The following ASIC2 variants were observed in gnomAD, a reference collection of about 807,000 sequenced individuals.
ASIC2 encodes the protein acid-sensing ion channel 2.
Under a neutral mutation model 57.3 loss-of-function variants are expected in ASIC2, and 25 were observed. The observed-to-expected ratio is 0.44, with a 90% CI of 0.32 to 0.61. The LOEUF is 0.61. Among genes scored for constraint, ASIC2 ranks in the 20% least tolerant of loss-of-function variants. ASIC2 has a pLI of 0.06. For missense variants in ASIC2, 641 were observed against 738.1 expected, an observed-to-expected ratio of 0.87 and a Z score of 1.52; for synonymous variants, 319 against 307.5, an observed-to-expected ratio of 1.04 and a Z score of -0.39.
chr17:33,962,696 C>T (rs1018957119), intron 1 of ASIC2, among the ~76,000 whole-genome samples: 8 of 152,136 alleles, frequency 5.3e-5, no homozygotes, highest in South Asian at 2.1e-4. Context: ...AGAGATTCAC[C>T]GGGCCACTGC....
intron 1 of ASIC2, among the ~76,000 whole-genome samples, chr17:33,928,367 T>C (rs1161803968): frequency 2.6e-5 from 4 of 152,042 alleles, no homozygotes; most frequent in African/African-American, 9.7e-5. Flanking sequence ...GGGTGGGTGG[T>C]AAAAGCTGAC....
At chr17:34,000,347 G>C (rs1312888635) in intron 1 of ASIC2, among the ~76,000 whole-genome samples, 1 of 150,400 alleles carries the variant, frequency 6.6e-6, no homozygotes, top group Non-Finnish European at 1.5e-5. Flanking sequence ...CACCTCCTGG[G>C]TTCAAGCAAT....
intron 1 of ASIC2, among the ~76,000 whole-genome samples, chr17:34,152,706 C>A (rs116220536): frequency 2.0e-5 from 3 of 152,130 alleles, no homozygotes; most frequent in African/African-American, 7.2e-5. Flanking sequence ...ATGACCAAGT[C>A]GAGGCCTAGA....
chr17:33,525,330 T>C (rs1914856841), intron 1 of ASIC2, among the ~76,000 whole-genome samples: 1 of 152,168 alleles, frequency 6.6e-6, no homozygotes, highest in Non-Finnish European at 1.5e-5. Flanking sequence ...GTAGCTCACA[T>C]ATCTTGTCGC....
intron 1 of ASIC2, among the ~76,000 whole-genome samples, chr17:33,355,669 T>C (rs1908348653): frequency 6.6e-6 from 1 of 152,222 alleles, no homozygotes; most frequent in African/African-American, 2.4e-5. Flanking sequence ...ATAGTAGAAG[T>C]TTCATAAATG....
intron 1 of ASIC2, among the ~76,000 whole-genome samples, chr17:33,894,994 C>A (rs554186654): frequency 1.3e-5 from 2 of 152,220 alleles, no homozygotes; most frequent in South Asian, 4.2e-4. Context: ...AATTAGAGCC[C>A]ATATTGGGAA....
intron 1 of ASIC2, among the ~76,000 whole-genome samples, chr17:34,074,469 T>C (rs919234508): frequency 1.3e-5 from 2 of 152,210 alleles, no homozygotes; most frequent in Admixed American, 6.5e-5. Context: ...TCTCTATGCA[T>C]AGGGCTAGGA....
At chr17:33,476,107 G>C (rs1434104711) in intron 1 of ASIC2, among the ~76,000 whole-genome samples, 1 of 152,162 alleles carries the variant, frequency 6.6e-6, no homozygotes, top group Non-Finnish European at 1.5e-5. Flanking sequence ...TAGTCCACAC[G>C]CTTAAGTATG....
chr17:33,758,400 A>G (rs948897194), intron 1 of ASIC2, among the ~76,000 whole-genome samples: 3 of 152,220 alleles, frequency 2.0e-5, no homozygotes, highest in African/African-American at 7.2e-5. Context: ...ACATGTGTAT[A>G]AAATGTATAG....
intron 1 of ASIC2, among the ~76,000 whole-genome samples, chr17:33,268,113 C>G (rs1379116382): frequency 6.6e-6 from 1 of 152,164 alleles, no homozygotes. Context: ...ATTCCAGGGA[C>G]AGCGCCCTGA....
intron 1 of ASIC2, chr17:34,051,717 G>C (rs1908561394): frequency 6.6e-6 from 1 of 151,986 alleles, no homozygotes; most frequent in African/African-American, 2.4e-5. Context: ...GGAGGTTAAG[G>C]CTTCTGTCTT....
Position 33,604,064 on chromosome 17 carries a change from T to C in ASIC2, c.556-491997A>G, listed in dbSNP as rs1450848413. Among the ~76,000 whole-genome samples, 3 of 152,118 alleles carry C rather than the reference T, an allele frequency of 2.0e-5. No individual in the cohort carries two copies. In the East Asian group the frequency reaches 5.8e-4, roughly 29 times the overall value. ...CTGCAAGGCGGCCTAGAAAATGTAG[T>C]CTAGTTATCTGGTCAGAGTCTCTGC... On this transcript the variant is annotated intron_variant, in intron 1 of 9. Coordinates refer to the ASIC2 transcript ENST00000359872.
In ASIC2 at chr17:34,044,004, C is replaced by A. The variant is rs149465245; in HGVS notation, c.555+111974G>T. On this transcript the variant is annotated intron_variant, in intron 1 of 9. Coordinates refer to the ASIC2 transcript ENST00000359872. The stretch of plus-strand genomic sequence containing the variant: ...CTTTACTATTCCAAAGGCATGCATA[C>A]CCTCCCTGTTGAGGACACACAAAGA... 2.2e-4 allele frequency among the ~76,000 whole-genome samples: 34 copies of A among 152,280 alleles called. No homozygotes were observed. The East Asian group carries it at 6.4e-3, about 28-fold the overall frequency.
chr17:33,990,690 G>A (rs1278635990), intron 1 of ASIC2, among the ~76,000 whole-genome samples: 7 of 152,132 alleles, frequency 4.6e-5, no homozygotes, highest in Non-Finnish European at 5.9e-5. Context: ...CAGTTTCTTG[G>A]AGGGATGGAC....
chr17:33,527,722 A>T (rs930988168), intron 1 of ASIC2, among the ~76,000 whole-genome samples: 3 of 152,158 alleles, frequency 2.0e-5, no homozygotes, highest in Non-Finnish European at 4.4e-5. Flanking sequence ...TTTTAGGGAC[A>T]TGTGCCTAAA....
intron 1 of ASIC2, among the ~76,000 whole-genome samples, chr17:33,967,812 AGACAAGATGT>A (rs925645186): frequency 3.3e-5 from 5 of 152,206 alleles, no homozygotes; most frequent in Non-Finnish European, 4.4e-5. Flanking sequence ...CCCTGTGAGT[AGACAAGATGT>A]GACAAGATGT....
chr17:33,961,188 G>C (rs928690679), intron 1 of ASIC2, among the ~76,000 whole-genome samples: 1 of 152,170 alleles, frequency 6.6e-6, no homozygotes, highest in Non-Finnish European at 1.5e-5. Flanking sequence ...ACCAAAGCTA[G>C]AAAAAGAATC....
intron 1 of ASIC2, among the ~76,000 whole-genome samples, chr17:33,653,473 C>A (rs1365198944): frequency 2.0e-5 from 3 of 152,226 alleles, no homozygotes. Context: ...GGAACTCTTT[C>A]TCCATGCAAT....
At chr17:33,049,435 A>G (rs1270244471) in intron 3 of ASIC2, among the ~76,000 whole-genome samples, 3 of 152,178 alleles carry the variant, frequency 2.0e-5, no homozygotes, top group Non-Finnish European at 4.4e-5. Context: ...CATGTCTATA[A>G]CATCTTACCA....
Sources: allele counts gnomAD v4.1 joint callset (sites outside exome capture counted in the v4.1 genomes callset), GRCh38; gene constraint gnomAD v4.1.1; transcripts MANE v1.5; gene names NCBI Gene and HGNC (gene_info 2026-07-23, HGNC 2026-07-21).